Variants in CRTC1 observed in about 807,000 individuals in gnomAD.
CRTC1 encodes CREB regulated transcription coactivator 1, also known as CREB-regulated transcription coactivator 1.
A neutral mutation model predicts 66.1 loss-of-function variants in CRTC1; 18 were observed. That is an observed-to-expected ratio of 0.27 (90% confidence interval 0.19 to 0.40). The LOEUF (loss-of-function observed/expected upper bound fraction) is 0.40, where lower values mean the gene tolerates loss of function less well. Among genes scored for constraint, CRTC1 ranks in the 10% least tolerant of loss-of-function variants. The pLI is 1.00. For synonymous variants in CRTC1, 416 were observed against 398.8 expected (o/e 1.04, Z -0.51); for missense variants, 669 against 887.9 (o/e 0.75, Z 3.13).
rs2055114428 is a variant in CRTC1 at position 18,782,102 on chromosome 19, CT to C, written c.*4721del. On this transcript the variant is annotated 3_prime_UTR_variant, in exon 14 of 14. Coordinates refer to ENST00000321949, the MANE Select transcript of CRTC1 (RefSeq NM_015321.3). ...ATATGCAAACCCGCCGGTCCGAGCC[CT>C]GTTCCTGCCTGTGCTCCTCTGTGCC... 1 of 223,924 alleles carries C rather than the reference CT, an allele frequency of 4.5e-6. No homozygotes were observed. Among genetic ancestry groups the C allele is most frequent in the Non-Finnish European group, 8.9e-6 (1 of 112,170 alleles). 13.9% of individuals were successfully genotyped at this position (223,924 alleles called of 1,614,324 possible). A position where few individuals can be genotyped will look rare whatever the true frequency, so the allele number is the denominator to read the frequency against.
chr19:18,761,031 T>A (rs1358310655), intron 8 of CRTC1, among the ~76,000 whole-genome samples: 2 of 151,962 alleles, frequency 1.3e-5, no homozygotes, highest in African/African-American at 4.8e-5. Flanking sequence ...GGGTCTGGGA[T>A]GTCCACCCTG....
At chr19:18,696,142 A>G (rs949519733) in intron 1 of CRTC1, among the ~76,000 whole-genome samples, 7 of 152,188 alleles carry the variant, frequency 4.6e-5, no homozygotes, top group Non-Finnish European at 7.3e-5. Flanking sequence ...CGAATGTCAT[A>G]GAGCGCTAGA....
At chr19:18,684,801 G>C (rs1168313755) in intron 1 of CRTC1, among the ~76,000 whole-genome samples, 2 of 152,168 alleles carry the variant, frequency 1.3e-5, no homozygotes, top group African/African-American at 4.8e-5. Context: ...AATCTCACCT[G>C]GGAAGTTGCT....
chr19:18,707,202 T>C (rs901936758), intron 1 of CRTC1, among the ~76,000 whole-genome samples: 2 of 152,362 alleles, frequency 1.3e-5, no homozygotes, highest in African/African-American at 2.4e-5. Context: ...GTTTTAGTTA[T>C]AGAGTTACAG....
rs181293359 is a variant in CRTC1, at chr19:18,751,440, A to G, written c.538+1565A>G. ...TCGGGAGGCTGAGGCAGGAGGGGGA[A>G]TTGTTTGAGCCTGGGAGGTGGAAGT... On this transcript the variant is annotated intron_variant, in intron 5 of 13. Coordinates refer to ENST00000321949, the MANE Select transcript of CRTC1 (RefSeq NM_015321.3). Among the ~76,000 whole-genome samples, 12 of 152,140 alleles carry G rather than the reference A, an allele frequency of 7.9e-5. No individual in the cohort carries two copies. In the East Asian group the frequency reaches 2.3e-3, roughly 30 times the overall value.
Position 18,777,253 on chromosome 19 carries a change from C to A in CRTC1, c.1776C>A (p.Asp592Glu). ...TCGGCGACGTCAGCTTCGACTCCGA[C>A]AGCCAGTTTCCCCTGGACGAACTCA... ...AGVGDVSFDS[D>E]SQFPLDELKI... Residue 592 changes from aspartate (D) to glutamate (E), a missense_variant, in exon 14 of 14, where the codon GAC becomes GAA. Around this residue, in one of 8 missense-constraint regions of CRTC1, gnomAD observed 91 missense variants for 99.1 expected, o/e 0.92. Coordinates refer to ENST00000321949, the MANE Select transcript of CRTC1 (RefSeq NM_015321.3). This position sits in a 1 kb window ranked among gnomAD's most constrained non-coding sequence, Gnocchi z 5.5. The A allele has an allele frequency of 6.2e-7, 1 of 1,612,288 alleles. No individual in the cohort carries two copies. Among genetic ancestry groups the A allele is most frequent in the South Asian group, 1.1e-5 (1 of 91,070 alleles).
chr19:18,689,373 G>A (rs945056404), intron 1 of CRTC1, among the ~76,000 whole-genome samples: 5 of 148,422 alleles, frequency 3.4e-5, no homozygotes, highest in African/African-American at 1.2e-4. Flanking sequence ...ACTTAGCATA[G>A]TGACTTCAAG....
chr19:18,730,427 C>G (rs114663465), intron 1 of CRTC1, among the ~76,000 whole-genome samples: 93 of 152,188 alleles, frequency 6.1e-4, no homozygotes, highest in African/African-American at 2.2e-3. Flanking sequence ...TCCGGGTAGG[C>G]CTGTCTTCAG....
chr19:18,709,063 C>T (rs900058099), intron 1 of CRTC1, among the ~76,000 whole-genome samples: 16 of 152,264 alleles, frequency 1.1e-4, no homozygotes, highest in African/African-American at 2.6e-4. Flanking sequence ...GCATGGTGCT[C>T]GGAGGTGCAG....
intron 6 of CRTC1, 79 bp downstream of exon 6, chr19:18,753,664 G>A (rs947464406): frequency 2.0e-5 from 21 of 1,073,150 alleles, no homozygotes; most frequent in Middle Eastern, 2.1e-4. Context: ...TGACAAAATG[G>A]CAGGTTGGGG....
intron 1 of CRTC1, among the ~76,000 whole-genome samples, chr19:18,728,058 C>T (rs1218243067): frequency 6.6e-6 from 1 of 152,070 alleles, no homozygotes; most frequent in East Asian, 1.9e-4. Context: ...CAGAGCTGTG[C>T]GGGAAACATC....
chr19:18,715,388 T>A (rs546425292), intron 1 of CRTC1, among the ~76,000 whole-genome samples: 9 of 152,322 alleles, frequency 5.9e-5, no homozygotes, highest in Non-Finnish European at 1.3e-4. Context: ...ACACCACGCC[T>A]GGCTAATACC....
intron 8 of CRTC1, among the ~76,000 whole-genome samples, chr19:18,763,663 G>T (rs1025853608): frequency 2.6e-5 from 4 of 152,258 alleles, no homozygotes; most frequent in Non-Finnish European, 2.9e-5. Flanking sequence ...TGCTCTTGAA[G>T]AATCAGACAG....
intron 1 of CRTC1, among the ~76,000 whole-genome samples, chr19:18,705,911 C>T (rs2053251108): frequency 1.4e-5 from 2 of 145,736 alleles, no homozygotes; most frequent in African/African-American, 2.5e-5. Flanking sequence ...ATTTGTCTGT[C>T]TTTGGAGAAA....
Position 18,768,579 on chromosome 19 carries a change from C to T in CRTC1, c.1106C>T (p.Pro369Leu). Residue 369 changes from proline (P) to leucine (L), a missense_variant, in exon 10 of 14, where the codon CCC (proline) becomes CTC (leucine). Transcript: ENST00000321949. The surrounding 1 kb of genome is among the most constrained non-coding windows in gnomAD (Gnocchi z 5.6). ...CAGCAGCCACCGCCGCAGCCCCAGC[C>T]CCCGCCGCCTCCTCCACCCGCGTCC... ...GSQQPPPQPQ[P>L]PPPPPPASQQ... 1 of 1,584,974 alleles carries T rather than the reference C, an allele frequency of 6.3e-7. No individual in the cohort carries two copies. The highest frequency in any genetic ancestry group is 8.6e-7 in the Non-Finnish European group (1 of 1,166,048).
At chr19:18,690,789 G>T (rs1229822189) in intron 1 of CRTC1, among the ~76,000 whole-genome samples, 1 of 152,008 alleles carries the variant, frequency 6.6e-6, no homozygotes, top group Non-Finnish European at 1.5e-5. Context: ...ACTTTGGGAG[G>T]CCGGGGTGGG....
At chr19:18,775,062 C>T (rs2054954729) in intron 12 of CRTC1, 76 bp downstream of exon 12, 2 of 1,439,700 alleles carry the variant, frequency 1.4e-6, no homozygotes, top group East Asian at 2.3e-5. Flanking sequence ...GGGACCCGGG[C>T]CTTGCGAGTC....
intron 4 of CRTC1, among the ~76,000 whole-genome samples, chr19:18,749,557 G>T (rs995728442): frequency 1.3e-5 from 2 of 152,226 alleles, no homozygotes; most frequent in African/African-American, 4.8e-5. Flanking sequence ...GCGCCACCTC[G>T]CGCGGCTGCT....
Position 18,777,667 on chromosome 19 carries a change from C to T in CRTC1, c.*285C>T. The T allele has an allele frequency of 2.2e-6, 1 of 450,116 alleles. No homozygotes were observed. Among genetic ancestry groups the T allele is most frequent in the Non-Finnish European group, 4.0e-6 (1 of 251,648 alleles). The allele number at this position is 450,116 out of a possible 1,614,324, so 27.9% of individuals were successfully genotyped here. A position where few individuals can be genotyped will look rare whatever the true frequency, so the allele number is the denominator to read the frequency against. ...CCTCCCTGCACTGGCTCCCTCGCCC[C>T]CAGCCCCGGGGCCTGAGCCGTCCCC... On this transcript the variant is annotated 3_prime_UTR_variant, in exon 14 of 14. Transcript: ENST00000321949. This position sits in a 1 kb window ranked among gnomAD's most constrained non-coding sequence, Gnocchi z 5.5.
Sources: allele counts gnomAD v4.1 joint callset (sites outside exome capture counted in the v4.1 genomes callset), GRCh38; gene constraint gnomAD v4.1.1; regional missense constraint gnomAD v4.1.1; non-coding constraint Gnocchi (gnomAD v3.1); transcripts MANE v1.5; gene names NCBI Gene and HGNC (gene_info 2026-07-23, HGNC 2026-07-21).